Variants in HPSE2 observed in about 807,000 individuals in gnomAD.
HPSE2 encodes inactive heparanase-2.
In HPSE2, 38 loss-of-function variants were observed where a neutral mutation model predicts 60.5. The observed-to-expected ratio is 0.63, with a 90% CI of 0.48 to 0.82. The LOEUF is 0.82. HPSE2 is among the 40% of genes least tolerant of loss of function. HPSE2 has a pLI of 0.00. For missense variants in HPSE2, 713 were observed against 740.4 expected, an observed-to-expected ratio of 0.96 and a Z score of 0.43; for synonymous variants, 295 against 293.2, an observed-to-expected ratio of 1.01 and a Z score of -0.06.
intron 9 of HPSE2, among the ~76,000 whole-genome samples, chr10:98,588,298 T>A (rs1944992457): frequency 6.6e-6 from 1 of 151,766 alleles, no homozygotes; most frequent in South Asian, 2.1e-4. Context: ...ATTGCCTGCA[T>A]CACAGAAAAG....
At chr10:98,990,948 T>C (rs1186657396) in intron 3 of HPSE2, among the ~76,000 whole-genome samples, 1 of 152,166 alleles carries the variant, frequency 6.6e-6, no homozygotes, top group East Asian at 1.9e-4. Context: ...TATCCATCCA[T>C]TTCCCAAATC....
chr10:98,978,119 G>T (rs1956127731), intron 3 of HPSE2, among the ~76,000 whole-genome samples: 1 of 152,058 alleles, frequency 6.6e-6, no homozygotes, highest in Non-Finnish European at 1.5e-5. Flanking sequence ...CACAGCCTGA[G>T]ATTTTAATCA....
At chr10:98,803,431 C>T (rs1397350800) in intron 3 of HPSE2, among the ~76,000 whole-genome samples, 1 of 151,140 alleles carries the variant, frequency 6.6e-6, no homozygotes, top group Non-Finnish European at 1.5e-5. Flanking sequence ...CCTAGGTTTT[C>T]TTCTAGGGTT....
rs564937357 is a variant in HPSE2 at position 98,714,947 on chromosome 10, T to A, written c.956+6710A>T. Among the ~76,000 whole-genome samples, 98 of 152,054 alleles carry A rather than the reference T, an allele frequency of 6.4e-4. No homozygotes were observed. The Middle Eastern group carries it at 0.01, about 16-fold the overall frequency. On this transcript the variant is annotated intron_variant, in intron 5 of 11. Transcript: ENST00000370552. ...CCCTAACAACTAACAATGTTAAGTA[T>A]CTATTCACGTGCTTATTGGCCATTT...
chr10:99,202,931 A>T (rs1262011070), intron 2 of HPSE2, among the ~76,000 whole-genome samples: 1 of 151,830 alleles, frequency 6.6e-6, no homozygotes, highest in Non-Finnish European at 1.5e-5. Context: ...TGGAGAGAGA[A>T]GGAAAGAGAA....
intron 9 of HPSE2, among the ~76,000 whole-genome samples, chr10:98,613,199 T>C (rs1945808878): frequency 1.3e-5 from 2 of 152,360 alleles, no homozygotes; most frequent in South Asian, 2.1e-4. Context: ...CAGTGCCTGA[T>C]GTTCAAAAAA....
intron 9 of HPSE2, among the ~76,000 whole-genome samples, chr10:98,612,696 C>T (rs1279914859): frequency 6.6e-6 from 1 of 152,086 alleles, no homozygotes; most frequent in South Asian, 2.1e-4. Context: ...ATTGTAGATG[C>T]CATTTATGAA....
intron 7 of HPSE2, among the ~76,000 whole-genome samples, chr10:98,621,102 T>A (rs1030908877): frequency 1.3e-5 from 2 of 151,816 alleles, no homozygotes; most frequent in African/African-American, 4.8e-5. Flanking sequence ...ACACACGTAC[T>A]CCCTAAAAGC....
chr10:99,306,021 G>T, the HPSE2 span, among the ~76,000 whole-genome samples: 2 of 51,390 alleles, frequency 3.9e-5, no homozygotes, highest in African/African-American at 7.5e-5. Flanking sequence ...ACACCAGACT[G>T]CTGGGGAGTA....
chr10:98,471,759 G>A (rs9663511), intron 11 of HPSE2, among the ~76,000 whole-genome samples: 5,971 of 152,216 alleles, frequency 0.039, 389 homozygotes, highest in African/African-American at 0.13. Flanking sequence ...ATCAGATGAA[G>A]CATCAGCGCT....
chr10:99,194,116 A>G (rs902460317), intron 2 of HPSE2, among the ~76,000 whole-genome samples: 1 of 152,122 alleles, frequency 6.6e-6, no homozygotes, highest in Admixed American at 6.5e-5. Context: ...AATTAATAAT[A>G]AGAGAAATTT....
chr10:98,554,362 AGTAG>A (rs1386625836), intron 9 of HPSE2, among the ~76,000 whole-genome samples: 2 of 152,206 alleles, frequency 1.3e-5, no homozygotes, highest in Non-Finnish European at 2.9e-5. Context: ...ATCTGACTAA[AGTAG>A]GACGTCCTTC....
At chr10:99,307,241 G>A in the HPSE2 span, among the ~76,000 whole-genome samples, 2 of 152,130 alleles carry the variant, frequency 1.3e-5, no homozygotes, top group African/African-American at 4.8e-5. Flanking sequence ...GTATTGGAGT[G>A]GATCCCTCCT....
chr10:99,137,002 A>G (rs1197026783), intron 3 of HPSE2, among the ~76,000 whole-genome samples: 1 of 152,222 alleles, frequency 6.6e-6, no homozygotes, highest in African/African-American at 2.4e-5. Context: ...CCATCTTCTC[A>G]GCCCAAAATC....
intron 4 of HPSE2, among the ~76,000 whole-genome samples, chr10:98,736,911 T>G (rs1205842795): frequency 6.6e-6 from 1 of 152,196 alleles, no homozygotes; most frequent in East Asian, 1.9e-4. Context: ...ACATACATAG[T>G]TAATGCAAGA....
At chr10:99,101,120 TA>T (rs1801444990) in intron 3 of HPSE2, among the ~76,000 whole-genome samples, 1 of 152,136 alleles carries the variant, frequency 6.6e-6, no homozygotes, top group Non-Finnish European at 1.5e-5. Flanking sequence ...AATGACAGGA[TA>T]AAATTCATAC....
rs555136688 is a variant in HPSE2, at chr10:98,459,592, C to G, written c.1761G>C (p.Leu587Phe). The change falls in exon 12 of 12, where the codon TTG (leucine) becomes TTC (phenylalanine). Residue 587 changes from leucine to phenylalanine, a missense_variant. By Grantham distance (22) the Leu-to-Phe change is conservative. Coordinates refer to ENST00000370552, the MANE Select transcript of HPSE2 (RefSeq NM_021828.5). The stretch of plus-strand genomic sequence containing the variant: ...GGATAGCTTATCGGTAGCGGCAGGC[C>G]AAAGCATTGACATTCTTGACCACAT... ...GFYVVKNVNA[L>F]ACRYR 10 of 1,614,108 alleles carry G rather than the reference C, an allele frequency of 6.2e-6. 1 individual carries two copies. The South Asian group carries it at 1.1e-4, about 18-fold the overall frequency.
intron 2 of HPSE2, among the ~76,000 whole-genome samples, chr10:99,170,329 G>A (rs977734714): frequency 6.6e-6 from 1 of 152,128 alleles, no homozygotes; most frequent in South Asian, 2.1e-4. Flanking sequence ...TGGATACTTG[G>A]CAGATATCCA....
intron 3 of HPSE2, among the ~76,000 whole-genome samples, chr10:98,925,510 G>A (rs1954428410): frequency 6.6e-6 from 1 of 152,134 alleles, no homozygotes; most frequent in Admixed American, 6.5e-5. Context: ...AGGTGGGTAA[G>A]TTCCACATCT....
Sources: gnomAD v4.1 joint callset for allele counts (sites outside exome capture counted in the v4.1 genomes callset) on GRCh38, gnomAD v4.1.1 for gene constraint, MANE v1.5 for transcripts, NCBI Gene and HGNC (gene_info 2026-07-23, HGNC 2026-07-21) for gene names.